The following VWA3B variants were observed in gnomAD, a reference collection of about 807,000 sequenced individuals.
The protein encoded by VWA3B is von Willebrand factor A domain containing 3B.
VWA3B carries 138 observed loss-of-function variants against 158.3 expected under a neutral mutation model. The ratio of observed to expected loss-of-function variants is 0.87; its 90% CI spans 0.76 to 1.00. The LOEUF is 1.00. Ranked by LOEUF, VWA3B falls within the 50% of genes least tolerant of loss-of-function variation. VWA3B has a pLI of 0.00. For synonymous variants in VWA3B, 596 were observed against 587.3 expected (o/e 1.01, Z -0.21); for missense variants, 1,555 against 1,565.1 (o/e 0.99, Z 0.11).
intron 14 of VWA3B, among the ~76,000 whole-genome samples, chr2:98,220,112 C>T (rs1033150275): frequency 2.1e-5 from 3 of 145,424 alleles, no homozygotes; most frequent in East Asian, 4.0e-4. Flanking sequence ...TGCAGTGAGC[C>T]GAGATCACAC....
At chr2:98,128,459 A>C in intron 6 of VWA3B, 51 bp downstream of exon 6, 6 of 1,587,252 alleles carry the variant, frequency 3.8e-6, no homozygotes, top group Non-Finnish European at 5.2e-6. Context: ...GCCTGCTCAC[A>C]CAGGATCAAC....
intron 14 of VWA3B, among the ~76,000 whole-genome samples, chr2:98,223,017 T>C (rs937890329): frequency 6.6e-6 from 1 of 152,184 alleles, no homozygotes; most frequent in African/African-American, 2.4e-5. Flanking sequence ...AGATGAATCA[T>C]ATGTTGGAAT....
intron 15 of VWA3B, 72 bp downstream of exon 15, chr2:98,228,404 G>A: frequency 2.0e-6 from 3 of 1,479,928 alleles, no homozygotes; most frequent in Non-Finnish European, 9.0e-7. Flanking sequence ...CTGGGCCCTT[G>A]TCCTTTCTGA....
intron 7 of VWA3B, among the ~76,000 whole-genome samples, chr2:98,149,757 G>C (rs1243901997): frequency 6.6e-6 from 1 of 152,110 alleles, no homozygotes; most frequent in Non-Finnish European, 1.5e-5. Flanking sequence ...ATCGGCCTTA[G>C]GTTCCCTGCC....
At position 98,236,427 on chromosome 2, in the gene VWA3B, C is replaced by G. The variant is rs759882934; in HGVS notation, c.2466C>G (p.Asp822Glu). Reference protein sequence around the residue: ...SILLAEEWLDDKSSEKVTREG... With the variant: ...SILLAEEWLDEKSSEKVTREG... ...TGCTGGCTGAGGAGTGGCTGGATGA[C>G]AAATCGTCAGAAAAGGTGACGCGAG... Residue 822 changes from aspartate (D) to glutamate (E), a missense_variant, in exon 18 of 28, where the codon GAC (aspartate) becomes GAG (glutamate). Coordinates refer to ENST00000477737, the MANE Select transcript of VWA3B (RefSeq NM_144992.5). The G allele has an allele frequency of 6.2e-7, 1 of 1,614,056 alleles. No homozygotes were observed. Among genetic ancestry groups the G allele is most frequent in the African/African-American group, 1.3e-5 (1 of 74,914 alleles).
chr2:98,307,646 G>A (rs1004182085), intron 26 of VWA3B, among the ~76,000 whole-genome samples: 2 of 152,186 alleles, frequency 1.3e-5, no homozygotes, highest in Non-Finnish European at 2.9e-5. Context: ...GCTTCTAAGA[G>A]AAGTTACTCG....
chr2:98,135,325 CTTTTTTTTTT>C (rs397873615), intron 7 of VWA3B, among the ~76,000 whole-genome samples: 13 of 96,420 alleles, frequency 1.3e-4, no homozygotes, highest in Middle Eastern at 9.3e-3. Context: ...AAACATTTTT[CTTTTTTTTTT>C]TTTTTTTTTT....
At chr2:98,245,922 C>A (rs1216374459) in intron 19 of VWA3B, among the ~76,000 whole-genome samples, 1 of 152,124 alleles carries the variant, frequency 6.6e-6, no homozygotes, top group Non-Finnish European at 1.5e-5. Context: ...GTCCTCCCAC[C>A]TTTCAGCCCA....
At position 98,093,267 on chromosome 2, in the gene VWA3B, A is replaced by G; in HGVS notation, c.175A>G (p.Ile59Val). 6.2e-7 allele frequency: 1 copy of G among 1,614,104 alleles called. No individual in the cohort carries two copies. Among genetic ancestry groups the G allele is most frequent in the South Asian group, 1.1e-5 (1 of 91,086 alleles). ...GACCTTGAAACAGATTTTGTCACAGATCGGATTCCCACATTGTGAAGGTAC... is the reference window on the plus strand; with the variant it reads ...GACCTTGAAACAGATTTTGTCACAGGTCGGATTCCCACATTGTGAAGGTAC... ...KLTLKQILSQ[I>V]GFPHCEDYVA... Residue 59 changes from isoleucine to valine, a missense_variant, in exon 2 of 28, where the codon ATC becomes GTC. By Grantham distance (29) the Ile-to-Val change is conservative (BLOSUM62 3). Transcript: ENST00000477737.
intron 8 of VWA3B, chr2:98,179,183 C>T: frequency 4.2e-6 from 2 of 470,630 alleles, no homozygotes; most frequent in South Asian, 3.1e-5. Context: ...AGTGCCTCCT[C>T]AGCTTCACAG....
chr2:98,185,647 C>T (rs1680980196), intron 9 of VWA3B, among the ~76,000 whole-genome samples: 1 of 152,212 alleles, frequency 6.6e-6, no homozygotes. Flanking sequence ...ACGGGAATGT[C>T]ATGAGCTTCT....
chr2:98,260,283 C>G (rs968317086), intron 21 of VWA3B, among the ~76,000 whole-genome samples: 2 of 151,496 alleles, frequency 1.3e-5, no homozygotes, highest in Non-Finnish European at 3.0e-5. Flanking sequence ...AATTTTCTGT[C>G]TAGATGTTTT....
At chr2:98,254,452 T>A (rs1686986308) in intron 20 of VWA3B, among the ~76,000 whole-genome samples, 1 of 152,144 alleles carries the variant, frequency 6.6e-6, no homozygotes, top group Admixed American at 6.5e-5. Context: ...GTACTATAAA[T>A]CCTTTTAACA....
At chr2:98,121,501 T>C (rs1573821042) in intron 5 of VWA3B, 43 bp downstream of exon 5, 1 of 1,598,918 alleles carries the variant, frequency 6.3e-7, no homozygotes, top group South Asian at 1.1e-5. Flanking sequence ...TGGAGGTGGC[T>C]TCCAGCTTAA....
intron 8 of VWA3B, among the ~76,000 whole-genome samples, chr2:98,179,725 TTC>T (rs1207511802): frequency 8.8e-4 from 134 of 151,464 alleles, no homozygotes; most frequent in African/African-American, 2.6e-3. Flanking sequence ...TTTCTTTTTC[TTC>T]TCTCTCTCTC....
At chr2:98,249,923 A>G (rs1326295988) in intron 19 of VWA3B, among the ~76,000 whole-genome samples, 1 of 152,194 alleles carries the variant, frequency 6.6e-6, no homozygotes, top group African/African-American at 2.4e-5. Flanking sequence ...AAGGTGTTTA[A>G]CTCAAATAGC....
At chr2:98,167,868 G>T (rs1679223573) in intron 8 of VWA3B, among the ~76,000 whole-genome samples, 1 of 152,174 alleles carries the variant, frequency 6.6e-6, no homozygotes, top group Non-Finnish European at 1.5e-5. Context: ...ACTTGGAAAG[G>T]TCTTGCCTCA....
intron 20 of VWA3B, among the ~76,000 whole-genome samples, chr2:98,253,488 G>C (rs137981933): frequency 6.6e-6 from 1 of 152,218 alleles, no homozygotes; most frequent in East Asian, 1.9e-4. Flanking sequence ...GCTTTGAGTG[G>C]ATATTGCCAG....
At chr2:98,254,401 CTTGT>C (rs1574207096) in intron 20 of VWA3B, among the ~76,000 whole-genome samples, 2 of 152,076 alleles carry the variant, frequency 1.3e-5, no homozygotes, top group Non-Finnish European at 2.9e-5. Context: ...TGTTCGTTTG[CTTGT>C]TTGTTTTTCA....
Sources: gnomAD v4.1 joint callset for allele counts (sites outside exome capture counted in the v4.1 genomes callset) on GRCh38, gnomAD v4.1.1 for gene constraint, MANE v1.5 for transcripts, NCBI Gene and HGNC (gene_info 2026-07-23, HGNC 2026-07-21) for gene names.